Variants in KLF8 observed in about 807,000 individuals in gnomAD.
The protein encoded by KLF8 is KLF transcription factor 8, also known as Krueppel-like factor 8.
In KLF8, 10 loss-of-function variants were observed where a neutral mutation model predicts 18.2. The observed-to-expected ratio is 0.55, with a 90% CI of 0.34 to 0.93. KLF8 has a LOEUF of 0.93. Ranked by LOEUF, KLF8 falls within the 40% of genes least tolerant of loss-of-function variation. KLF8 has a pLI of 0.02. For synonymous variants in KLF8, 109 were observed against 97.3 expected, an observed-to-expected ratio of 1.12 and a Z score of -0.71; for missense variants, 264 against 277.9, an observed-to-expected ratio of 0.95 and a Z score of 0.36.
the KLF8 span, among the ~76,000 whole-genome samples, chrX:56,011,648 G>GA: frequency 2.7e-5 from 3 of 110,569 alleles, no homozygotes; most frequent in Admixed American, 1.9e-4. Context: ...AAAAACCCTT[G>GA]AAAAAAATTC....
chrX:55,914,926 T>C, the KLF8 span, among the ~76,000 whole-genome samples: 1 of 111,029 alleles, frequency 9.0e-6, no homozygotes, highest in Admixed American at 9.6e-5. Flanking sequence ...ACATTAGAGA[T>C]TGCATAAACA....
At chrX:55,924,949 G>A in the KLF8 span, among the ~76,000 whole-genome samples, 6 of 90,298 alleles carry the variant, frequency 6.6e-5, no homozygotes, top group South Asian at 7.3e-4. Flanking sequence ...TCCGCCTCCC[G>A]GGTTCAATTG....
the KLF8 span, among the ~76,000 whole-genome samples, chrX:56,029,292 G>A: frequency 1.8e-5 from 2 of 111,325 alleles, no homozygotes; most frequent in Non-Finnish European, 3.8e-5. Context: ...GCTATAAAGA[G>A]CCCTGTTTTG....
At chrX:56,187,580 T>C in the KLF8 span, among the ~76,000 whole-genome samples, 2 of 111,151 alleles carry the variant, frequency 1.8e-5, no homozygotes, top group South Asian at 3.8e-4. Context: ...AAAAAGAAAA[T>C]TTTAGACCAA....
the KLF8 span, among the ~76,000 whole-genome samples, chrX:55,911,548 T>G: frequency 8.9e-6 from 1 of 111,887 alleles, no homozygotes; most frequent in Non-Finnish European, 1.9e-5. Flanking sequence ...TCCTTTTAAG[T>G]TGTGCACTGT....
intron 2 of KLF8, among the ~76,000 whole-genome samples, chrX:56,262,306 T>A (rs1479690448): frequency 1.8e-5 from 2 of 112,178 alleles, no homozygotes; most frequent in Non-Finnish European, 3.8e-5. Context: ...TTCAGTTTCT[T>A]GACTTTCATC....
At chrX:55,994,941 T>A in the KLF8 span, among the ~76,000 whole-genome samples, 1 of 112,032 alleles carries the variant, frequency 8.9e-6, no homozygotes, top group East Asian at 2.8e-4. Context: ...TTTGGACAAG[T>A]GTTGAGTTTA....
At chrX:55,955,821 A>G in the KLF8 span, among the ~76,000 whole-genome samples, 3 of 111,946 alleles carry the variant, frequency 2.7e-5, no homozygotes, top group Admixed American at 9.5e-5. Flanking sequence ...TACTCATTAC[A>G]TGATTGAATA....
the KLF8 span, among the ~76,000 whole-genome samples, chrX:56,195,653 AC>A: frequency 8.9e-6 from 1 of 111,960 alleles, no homozygotes; most frequent in African/African-American, 3.2e-5. Context: ...GTTGGAAAAG[AC>A]TCTTCAAGAT....
chrX:56,233,416 T>G, intron 1 of KLF8, 75 bp downstream of exon 1: 1 of 805,169 alleles, frequency 1.2e-6, no homozygotes, highest in East Asian at 3.1e-5. Context: ...CCAGTCCCCC[T>G]GCTCCCCCCA....
At chrX:56,057,871 A>T in the KLF8 span, among the ~76,000 whole-genome samples, 1 of 108,837 alleles carries the variant, frequency 9.2e-6, no homozygotes, top group East Asian at 2.9e-4. Flanking sequence ...TACCCTTACC[A>T]CTTCTTTAAG....
chrX:56,061,045 T>A, the KLF8 span, among the ~76,000 whole-genome samples: 1 of 111,679 alleles, frequency 9.0e-6, no homozygotes, highest in Non-Finnish European at 1.9e-5. Flanking sequence ...TGATATCGAT[T>A]CTTCTCTCTT....
chrX:56,240,759 A>T (rs773893714), intron 1 of KLF8, among the ~76,000 whole-genome samples: 2 of 111,791 alleles, frequency 1.8e-5, no homozygotes, highest in Non-Finnish European at 3.8e-5. Flanking sequence ...TTGGTATCAA[A>T]CATCATACCT....
At chrX:55,986,600 C>T in the KLF8 span, among the ~76,000 whole-genome samples, 26 of 111,924 alleles carry the variant, frequency 2.3e-4, no homozygotes, top group African/African-American at 4.5e-4. Flanking sequence ...TGCTGCAGAC[C>T]GCAGCTGCTT....
chrX:55,924,849 C>CTTTTTTTTT, the KLF8 span, among the ~76,000 whole-genome samples: 12 of 42,936 alleles, frequency 2.8e-4, no homozygotes, highest in East Asian at 9.8e-4. Flanking sequence ...TTGTTTTTTG[C>CTTTTTTTTT]TTTTTTTTTT....
the KLF8 span, chrX:55,961,846 G>A: frequency 3.1e-5 from 8 of 259,570 alleles, no homozygotes; most frequent in Non-Finnish European, 5.8e-5. Context: ...TCCCATGGGA[G>A]TGGAACCTCG....
At chrX:56,037,362 G>T in the KLF8 span, among the ~76,000 whole-genome samples, 4 of 109,314 alleles carry the variant, frequency 3.7e-5, no homozygotes, top group Admixed American at 2.9e-4. Context: ...CAGGAAGATT[G>T]GTCTGTTTTT....
chrX:56,033,371 G>T, the KLF8 span, among the ~76,000 whole-genome samples: 1 of 111,440 alleles, frequency 9.0e-6, no homozygotes, highest in Non-Finnish European at 1.9e-5. Context: ...TTTCAGGGCT[G>T]TTACTCCATT....
chrX:56,158,244 T>C, the KLF8 span, among the ~76,000 whole-genome samples: 5 of 111,484 alleles, frequency 4.5e-5, no homozygotes, highest in Admixed American at 1.9e-4. Flanking sequence ...GTTCCATTGG[T>C]CTATATCTCT....
Sources: allele counts gnomAD v4.1 joint callset (sites outside exome capture counted in the v4.1 genomes callset), GRCh38; gene constraint gnomAD v4.1.1; transcripts MANE v1.5; gene names NCBI Gene and HGNC (gene_info 2026-07-23, HGNC 2026-07-21).